Variants in FHIT observed in about 807,000 individuals in gnomAD.
The protein encoded by FHIT is bis(5'-adenosyl)-triphosphatase.
FHIT carries 19 observed loss-of-function variants against 17.9 expected under a neutral mutation model. The observed-to-expected ratio is 1.06, with a 90% CI of 0.74 to 1.56. FHIT has a LOEUF of 1.56. FHIT is among the 40% of genes most tolerant of loss of function. The pLI is 0.00. For synonymous variants in FHIT, 81 were observed against 69.7 expected (o/e 1.16, Z -0.81); for missense variants, 248 against 189.2 (o/e 1.31, Z -1.82).
chr3:60,294,123 G>A (rs1348369413), intron 5 of FHIT, among the ~76,000 whole-genome samples: 1 of 152,088 alleles, frequency 6.6e-6, no homozygotes, highest in Admixed American at 6.6e-5. Flanking sequence ...GGAATCTACA[G>A]GACTTAAAAA....
intron 5 of FHIT, among the ~76,000 whole-genome samples, chr3:60,437,885 C>T (rs1193151891): frequency 1.3e-5 from 2 of 150,594 alleles, no homozygotes; most frequent in Middle Eastern, 3.2e-3. Flanking sequence ...CATGACTAGT[C>T]ACTTGAATTA....
intron 5 of FHIT, among the ~76,000 whole-genome samples, chr3:60,430,391 C>A (rs1702839455): frequency 6.6e-6 from 1 of 151,964 alleles, no homozygotes; most frequent in Non-Finnish European, 1.5e-5. Flanking sequence ...CCACTTCTGA[C>A]TTCCACCTCA....
chr3:61,100,485 A>C (rs1207029520), intron 2 of FHIT, among the ~76,000 whole-genome samples: 2 of 152,120 alleles, frequency 1.3e-5, no homozygotes, highest in Non-Finnish European at 2.9e-5. Context: ...GTTGGTTCGA[A>C]GTCTTTGCTA....
At chr3:60,753,679 C>G (rs2042514044) in intron 4 of FHIT, among the ~76,000 whole-genome samples, 1 of 152,106 alleles carries the variant, frequency 6.6e-6, no homozygotes, top group Non-Finnish European at 1.5e-5. Context: ...ACAAAATAAA[C>G]TCTGAAGTAC....
At chr3:60,175,755 C>T (rs1701641009) in intron 5 of FHIT, among the ~76,000 whole-genome samples, 1 of 152,152 alleles carries the variant, frequency 6.6e-6, no homozygotes. Flanking sequence ...ACAAATCGTT[C>T]ACCAAGTTAG....
At chr3:60,065,903 C>G (rs557159612) in intron 5 of FHIT, among the ~76,000 whole-genome samples, 2 of 152,126 alleles carry the variant, frequency 1.3e-5, no homozygotes, top group Non-Finnish European at 2.9e-5. Context: ...TTCTTCCTAC[C>G]GTGAATTTGA....
chr3:60,759,571 T>C (rs1315618713), intron 4 of FHIT, among the ~76,000 whole-genome samples: 3 of 151,914 alleles, frequency 2.0e-5, no homozygotes, highest in Non-Finnish European at 4.4e-5. Flanking sequence ...AGAAAGAGGA[T>C]GATGACCAGC....
rs529427926 is a variant in FHIT at position 60,849,981 on chromosome 3, C to T, written c.-110-27970G>A. On this transcript the variant is annotated intron_variant, in intron 3 of 9. Transcript: ENST00000492590. ...AGGCTAACTATTTCCTTCCCTCTTT[C>T]CTGCCTTCTTTCTAATTTGAGGCAA... Among the ~76,000 whole-genome samples, 4 of 152,218 alleles carry T rather than the reference C, an allele frequency of 2.6e-5. No individual in the cohort carries two copies. The East Asian group carries it at 7.7e-4, about 29-fold the overall frequency.
intron 4 of FHIT, among the ~76,000 whole-genome samples, chr3:60,647,994 A>G (rs1553687224): frequency 1.3e-5 from 2 of 152,200 alleles, no homozygotes; most frequent in Non-Finnish European, 2.9e-5. Context: ...GGGGAAGAAT[A>G]AGACACAAAA....
chr3:60,184,301 T>C (rs1176642845), intron 5 of FHIT, among the ~76,000 whole-genome samples: 1 of 152,150 alleles, frequency 6.6e-6, no homozygotes, highest in African/African-American at 2.4e-5. Context: ...CAATCTAATA[T>C]GCTTTTTCTA....
intron 5 of FHIT, among the ~76,000 whole-genome samples, chr3:60,419,283 T>A (rs1353122526): frequency 6.6e-6 from 1 of 152,208 alleles, no homozygotes; most frequent in Non-Finnish European, 1.5e-5. Flanking sequence ...TTAGCAAGTG[T>A]CGTCAACACT....
rs1480232775 is a variant in FHIT at position 60,307,046 on chromosome 3, G to GA, written c.103+229813_103+229814insT. On this transcript the variant is annotated intron_variant, in intron 5 of 9. Coordinates refer to ENST00000492590, the MANE Select transcript of FHIT (RefSeq NM_002012.4). ...TTAGACTTCCACATTAAGAAACCATGCCCCCTTTTGACATGACTATCTCTT... is the reference window on the plus strand; with the variant it reads ...TTAGACTTCCACATTAAGAAACCATGACCCCCTTTTGACATGACTATCTCTT... Among the ~76,000 whole-genome samples the GA allele has an allele frequency of 2.6e-5, 4 of 152,140 alleles. No individual in the cohort carries two copies. In the East Asian group the frequency reaches 7.8e-4, roughly 29 times the overall value.
At chr3:60,151,950 A>G (rs929717986) in intron 5 of FHIT, among the ~76,000 whole-genome samples, 2 of 152,152 alleles carry the variant, frequency 1.3e-5, no homozygotes, top group African/African-American at 4.8e-5. Context: ...TATAATCCCT[A>G]TGGGCACAAG....
At chr3:60,135,351 A>T (rs1699773793) in intron 5 of FHIT, among the ~76,000 whole-genome samples, 1 of 152,136 alleles carries the variant, frequency 6.6e-6, no homozygotes, top group African/African-American at 2.4e-5. Flanking sequence ...CAAGCACAGC[A>T]TCTGTTTCAA....
intron 4 of FHIT, among the ~76,000 whole-genome samples, chr3:60,813,579 C>G (rs1202421097): frequency 6.6e-6 from 1 of 152,092 alleles, no homozygotes; most frequent in Non-Finnish European, 1.5e-5. Flanking sequence ...CAATAAAAAA[C>G]TTAGCAGCAG....
At chr3:60,671,444 G>GTAA (rs2040502067) in intron 4 of FHIT, among the ~76,000 whole-genome samples, 1 of 151,982 alleles carries the variant, frequency 6.6e-6, no homozygotes, top group Non-Finnish European at 1.5e-5. Flanking sequence ...GAAAGAAGGG[G>GTAA]TAACAGATAG....
chr3:59,904,250 CCAGT>C (rs1479306324), intron 8 of FHIT, among the ~76,000 whole-genome samples: 1 of 142,764 alleles, frequency 7.0e-6, no homozygotes, highest in African/African-American at 2.6e-5. Context: ...GGGAAATTTA[CCAGT>C]AAGCTCTAAA....
At chr3:61,207,887 G>C (rs894454940) in intron 1 of FHIT, among the ~76,000 whole-genome samples, 3 of 152,130 alleles carry the variant, frequency 2.0e-5, no homozygotes, top group Non-Finnish European at 4.4e-5. Flanking sequence ...TGCTTCTCTA[G>C]TTCTTTTAAT....
At chr3:60,798,887 A>G (rs1701086628) in intron 4 of FHIT, among the ~76,000 whole-genome samples, 1 of 149,930 alleles carries the variant, frequency 6.7e-6, no homozygotes, top group African/African-American at 2.5e-5. Flanking sequence ...CCTCCCAAGT[A>G]GCTGGGATCA....
Sources: gnomAD v4.1 joint callset for allele counts (sites outside exome capture counted in the v4.1 genomes callset) on GRCh38, gnomAD v4.1.1 for gene constraint, MANE v1.5 for transcripts, NCBI Gene and HGNC (gene_info 2026-07-23, HGNC 2026-07-21) for gene names.